The following LRP1B variants were observed in gnomAD, a reference collection of about 807,000 sequenced individuals.
LRP1B encodes the protein LDL receptor related protein 1B.
Under a neutral mutation model 556.6 loss-of-function variants are expected in LRP1B, and 217 were observed. The ratio of observed to expected loss-of-function variants is 0.39; its 90% CI spans 0.35 to 0.44. The LOEUF (loss-of-function observed/expected upper bound fraction) is 0.44, where lower values mean the gene tolerates loss of function less well. Ranked by LOEUF, LRP1B falls within the 20% of genes least tolerant of loss-of-function variation. The probability of loss-of-function intolerance (pLI) is 1.00; values close to 1 mark genes in which losing one functional copy is unlikely to be tolerated. For missense variants in LRP1B, 5,053 were observed against 5,620.8 expected (o/e 0.90, Z 3.23); for synonymous variants, 2,047 against 1,865.8 (o/e 1.10, Z -2.50).
chr2:140,498,935 A>G (rs534749022), intron 55 of LRP1B, among the ~76,000 whole-genome samples: 1 of 151,828 alleles, frequency 6.6e-6, no homozygotes, highest in Non-Finnish European at 1.5e-5. Context: ...TAGGTGTTTT[A>G]TATTATTAAC....
chr2:140,578,859 T>C (rs1246495498), intron 43 of LRP1B, among the ~76,000 whole-genome samples: 1 of 152,190 alleles, frequency 6.6e-6, no homozygotes, highest in East Asian at 1.9e-4. Flanking sequence ...TTAATGTCTG[T>C]TCTCTCACTA....
At chr2:140,253,821 G>A (rs1681557600) in intron 86 of LRP1B, among the ~76,000 whole-genome samples, 5 of 152,052 alleles carry the variant, frequency 3.3e-5, no homozygotes, top group Admixed American at 3.3e-4. Context: ...TGTAATTGAA[G>A]ACATAAAAGT....
At chr2:140,898,712 G>A in intron 23 of LRP1B, 1 of 510,304 alleles carries the variant, frequency 2.0e-6, no homozygotes, top group Non-Finnish European at 3.9e-6. Context: ...GCAGTCACCT[G>A]AGAGAGCTGC....
At chr2:141,002,201 G>A (rs975482861) in intron 15 of LRP1B, among the ~76,000 whole-genome samples, 1 of 150,748 alleles carries the variant, frequency 6.6e-6, no homozygotes, top group African/African-American at 2.4e-5. Flanking sequence ...CAACTTACTG[G>A]CAATTTACAA....
chr2:140,562,791 T>C (rs534321091), intron 43 of LRP1B, among the ~76,000 whole-genome samples: 2 of 152,008 alleles, frequency 1.3e-5, no homozygotes, highest in African/African-American at 4.8e-5. Context: ...TATTTTTGTA[T>C]TTTTAGTAGA....
intron 1 of LRP1B, among the ~76,000 whole-genome samples, chr2:141,831,282 CA>C (rs1438953393): frequency 6.6e-6 from 1 of 151,616 alleles, no homozygotes; most frequent in East Asian, 1.9e-4. Flanking sequence ...AATAAGATGA[CA>C]AAAGTTCTTA....
intron 41 of LRP1B, among the ~76,000 whole-genome samples, chr2:140,689,757 A>G (rs1275813008): frequency 2.0e-5 from 3 of 152,156 alleles, no homozygotes. Context: ...CACTAACTAT[A>G]ATAATTCCAG....
chr2:141,523,664 T>G (rs747374781), intron 2 of LRP1B, among the ~76,000 whole-genome samples: 42 of 152,156 alleles, frequency 2.8e-4, no homozygotes, highest in Non-Finnish European at 4.7e-4. Flanking sequence ...AATTATTACA[T>G]ACTTAAAAAT....
intron 2 of LRP1B, among the ~76,000 whole-genome samples, chr2:141,749,063 C>T (rs7609121): frequency 0.036 from 5,470 of 152,036 alleles, 311 homozygotes; most frequent in African/African-American, 0.12. Context: ...TTTTATAAAA[C>T]GAATTTAGAA....
chr2:141,548,445 C>T (rs1685629507), intron 2 of LRP1B, among the ~76,000 whole-genome samples: 1 of 152,206 alleles, frequency 6.6e-6, no homozygotes, highest in Non-Finnish European at 1.5e-5. Flanking sequence ...TAGGGTCATG[C>T]TTTGGAGCCA....
At chr2:140,373,788 A>T (rs1683100825) in intron 68 of LRP1B, among the ~76,000 whole-genome samples, 2 of 152,086 alleles carry the variant, frequency 1.3e-5, no homozygotes, top group African/African-American at 4.8e-5. Flanking sequence ...GTCTCTAAAC[A>T]ATTTTTTTCA....
chr2:140,546,256 C>T (rs547755161), intron 43 of LRP1B, among the ~76,000 whole-genome samples: 1 of 152,170 alleles, frequency 6.6e-6, no homozygotes, highest in Admixed American at 6.6e-5. Flanking sequence ...TCCTCTTTCA[C>T]TTGGATGCCC....
At chr2:140,604,307 T>C (rs1233351599) in intron 41 of LRP1B, among the ~76,000 whole-genome samples, 1 of 151,358 alleles carries the variant, frequency 6.6e-6, no homozygotes, top group Non-Finnish European at 1.5e-5. Context: ...ATGAGTCAGG[T>C]CCTGACATGT....
rs16844179 is a variant in LRP1B, at chr2:140,536,681, C to T, written c.7542G>A (p.Ser2514=). 1,908 of 1,602,854 alleles carry T rather than the reference C, an allele frequency of 1.2e-3. 25 individuals carry two copies. In the African/African-American group the frequency reaches 0.023, roughly 19 times the overall value. ...VTKNSSCNAY[S]EFECGNGECI... is the part of the protein sequence containing the mutation. ...ACTCACCATTTCCACATTCAAACTC[C>T]GAATAAGCGTTGCAGGAGGAATTTT... The change falls in exon 46 of 91, where the codon TCG becomes TCA. Residue 2514 remains serine (S), a synonymous_variant. Transcript: ENST00000389484.
intron 7 of LRP1B, among the ~76,000 whole-genome samples, chr2:141,131,426 T>TATATATATATATATATATATATATAC (rs1701352755): frequency 6.8e-6 from 1 of 146,984 alleles, no homozygotes. Flanking sequence ...TATATATATA[T>TATATATATATATATATATATATATAC]ATATTTGCTC....
intron 7 of LRP1B, among the ~76,000 whole-genome samples, chr2:141,134,719 A>C (rs1701446775): frequency 7.6e-6 from 1 of 131,426 alleles, no homozygotes; most frequent in Non-Finnish European, 1.6e-5. Context: ...TTATATCAAT[A>C]ACTACCAAAA....
chr2:140,321,866 CTGA>C lies in LRP1B; in HGVS notation c.12640+94_12640+96del, dbSNP rs1260902371. The C allele has an allele frequency of 2.4e-6, 3 of 1,237,594 alleles. No homozygotes were observed. The African/African-American group carries it at 4.6e-5, about 19-fold the overall frequency. 76.7% of individuals were successfully genotyped at this position (1,237,594 alleles called of 1,614,324 possible). Reference sequence around the variant, plus strand: ...AACCACTGCTATCAAGGTAGCTAAACTGATGATGGAACAGATAATTTCACTCCA... The same window carrying C: ...AACCACTGCTATCAAGGTAGCTAAACTGATGGAACAGATAATTTCACTCCA... On this transcript the variant is annotated intron_variant, in intron 82 of 90. Coordinates refer to ENST00000389484, the MANE Select transcript of LRP1B (RefSeq NM_018557.3).
chr2:141,498,226 CCAAA>C (rs1414091584), intron 2 of LRP1B, among the ~76,000 whole-genome samples: 3 of 150,432 alleles, frequency 2.0e-5, no homozygotes, highest in African/African-American at 7.4e-5. Flanking sequence ...TTAAACAAAA[CCAAA>C]CAAACAAAAA....
chr2:141,181,748 T>C (rs1392108760), intron 7 of LRP1B, among the ~76,000 whole-genome samples: 1 of 151,896 alleles, frequency 6.6e-6, no homozygotes, highest in African/African-American at 2.4e-5. Context: ...CACATTGTAA[T>C]AGAGATATAA....
Sources: allele counts gnomAD v4.1 joint callset (sites outside exome capture counted in the v4.1 genomes callset), GRCh38; gene constraint gnomAD v4.1.1; transcripts MANE v1.5; gene names NCBI Gene and HGNC (gene_info 2026-07-23, HGNC 2026-07-21).